The following APTX variants were observed in gnomAD, a reference collection of about 807,000 sequenced individuals.
The protein encoded by APTX is aprataxin.
In APTX, 33 loss-of-function variants were observed where a neutral mutation model predicts 42.3. That is an observed-to-expected ratio of 0.78 (90% CI 0.59 to 1.04). The LOEUF is 1.04. Ranked by LOEUF, APTX falls within the 50% of genes least tolerant of loss-of-function variation. APTX has a pLI of 0.00. For missense variants in APTX, 421 were observed against 415.1 expected, an observed-to-expected ratio of 1.01 and a Z score of -0.12; for synonymous variants, 130 against 146.7, an observed-to-expected ratio of 0.89 and a Z score of 0.82.
chr9:33,018,163 C>T (rs1200232115), intron 1 of APTX, among the ~76,000 whole-genome samples: 12 of 150,006 alleles, frequency 8.0e-5, no homozygotes, highest in African/African-American at 2.7e-4. Flanking sequence ...CAGGCTGGAG[C>T]GCGGTGGCAC....
intron 1 of APTX, among the ~76,000 whole-genome samples, chr9:32,995,332 T>C (rs1436239134): frequency 1.3e-5 from 2 of 152,310 alleles, no homozygotes; most frequent in African/African-American, 4.8e-5. Flanking sequence ...AATATTAACA[T>C]AAACAGGAGT....
At chr9:33,024,372 C>T (rs1838670109) in intron 1 of APTX, among the ~76,000 whole-genome samples, 1 of 152,220 alleles carries the variant, frequency 6.6e-6, no homozygotes, top group Non-Finnish European at 1.5e-5. Context: ...GATAAAGAAG[C>T]GGACCCCAAT....
At chr9:32,991,981 A>T (rs1444845774) in intron 1 of APTX, among the ~76,000 whole-genome samples, 1 of 152,188 alleles carries the variant, frequency 6.6e-6, no homozygotes, top group Non-Finnish European at 1.5e-5. Flanking sequence ...GTGGGTATGA[A>T]GCTCAAGAGA....
At chr9:33,013,291 C>T (rs2119245388) in intron 1 of APTX, among the ~76,000 whole-genome samples, 1 of 152,258 alleles carries the variant, frequency 6.6e-6, no homozygotes, top group East Asian at 1.9e-4. Flanking sequence ...GAAATTGAGG[C>T]ACAGAAAAAA....
Position 32,999,831 on chromosome 9 carries a change from C to T in APTX, c.-5+1736G>A, listed in dbSNP as rs139634863. Reference sequence around the variant, plus strand: ...TCTACTAAAAAATACAAAAAATTAGCCGGGCGTGGTGGTAGACGCCTGTAG... The same window carrying T: ...TCTACTAAAAAATACAAAAAATTAGTCGGGCGTGGTGGTAGACGCCTGTAG... On this transcript the variant is annotated intron_variant, in intron 1 of 7. Transcript: ENST00000379817. Among the ~76,000 whole-genome samples, 5 of 152,270 alleles carry T rather than the reference C, an allele frequency of 3.3e-5. No homozygotes were observed. The East Asian group carries it at 9.7e-4, about 29-fold the overall frequency.
chr9:33,006,209 C>G (rs1339942073), upstream of APTX, among the ~76,000 whole-genome samples: 1 of 151,702 alleles, frequency 6.6e-6, no homozygotes, highest in African/African-American at 2.4e-5. Context: ...TTGCTTGAGG[C>G]CAGGAGTTCA....
At chr9:33,014,725 C>T (rs1333070633) in intron 1 of APTX, among the ~76,000 whole-genome samples, 1 of 152,262 alleles carries the variant, frequency 6.6e-6, no homozygotes, top group Non-Finnish European at 1.5e-5. Flanking sequence ...AAGCCATGAT[C>T]ACCAAGACAG....
At chr9:33,021,958 T>C (rs62542137) in intron 1 of APTX, among the ~76,000 whole-genome samples, 1 of 140,144 alleles carries the variant, frequency 7.1e-6, no homozygotes, top group Non-Finnish European at 1.5e-5. Flanking sequence ...AGGCTGTTAA[T>C]TTAAAAAAAA....
At chr9:33,018,134 G>C (rs1036129785) in intron 1 of APTX, among the ~76,000 whole-genome samples, 2 of 138,940 alleles carry the variant, frequency 1.4e-5, no homozygotes, top group African/African-American at 2.5e-5. Context: ...TTTTTTTTGA[G>C]ACGACTCACT....
Position 32,984,866 on chromosome 9 carries a change from G to A in APTX, c.544-9C>T. The A allele has an allele frequency of 2.5e-6, 4 of 1,608,814 alleles. No individual in the cohort carries two copies. The highest frequency in any genetic ancestry group is 3.4e-6 in the Non-Finnish European group (4 of 1,175,174). On this transcript the variant is annotated splice_polypyrimidine_tract_variant and intron_variant, in intron 5 of 7. Transcript: ENST00000379817. ...TGCTCATCTTTGTAAACCTAGCAGA[G>A]GGATACAAGAGAAGGAAACAGACAT...
upstream of APTX, among the ~76,000 whole-genome samples, chr9:33,002,477 A>G (rs1225797655): frequency 6.6e-6 from 1 of 152,152 alleles, no homozygotes; most frequent in African/African-American, 2.4e-5. Flanking sequence ...ATTCTCCACT[A>G]TCCCCCAGAT....
In APTX at chr9:33,018,882, A is replaced by T. The variant is rs111781699; in HGVS notation, c.-5+6141T>A. On this transcript the variant is annotated intron_variant, in intron 1 of 6. Transcript: ENST00000436040. ...CAACAGTGCGAGACTCCATCTCAAA[A>T]AGAAAGATATGTACTCCTCAAAACT... 3.2e-3 allele frequency among the ~76,000 whole-genome samples: 486 copies of T among 152,318 alleles called. 8 individuals are homozygous for T. The highest frequency in any genetic ancestry group is 0.011 in the African/African-American group (465 of 41,568).
intron 1 of APTX, among the ~76,000 whole-genome samples, chr9:33,000,164 G>A (rs1000540637): frequency 3.9e-5 from 6 of 152,048 alleles, no homozygotes; most frequent in African/African-American, 1.5e-4. Context: ...TCCCTCAAGT[G>A]TCAAGCGGTA....
Position 32,972,732 on chromosome 9 carries a change from C to T in APTX, c.*766G>A, listed in dbSNP as rs1264169594. 6.6e-6 allele frequency: 3 copies of T among 453,996 alleles called. No individual in the cohort carries two copies. The East Asian group carries it at 2.1e-4, about 32-fold the overall frequency. 28.1% of individuals were successfully genotyped at this position (453,996 alleles called of 1,614,324 possible). A position where few individuals can be genotyped will look rare whatever the true frequency, so the allele number is the denominator to read the frequency against. ...TATGCTGTGATTGTTAGCTGAACTT[C>T]AATAGTTTCCACCTACTTAAGAGAG... On this transcript the variant is annotated 3_prime_UTR_variant, in exon 8 of 8. Coordinates refer to ENST00000379817, the MANE Select transcript of APTX (RefSeq NM_001195248.2).
chr9:33,019,337 A>C (rs1838172935), intron 1 of APTX, among the ~76,000 whole-genome samples: 1 of 152,184 alleles, frequency 6.6e-6, no homozygotes, highest in Non-Finnish European at 1.5e-5. Context: ...GGTGCTACTC[A>C]AAAAATAAAT....
At chr9:33,015,762 G>C (rs1284013799) in intron 1 of APTX, 1 of 152,190 alleles carries the variant, frequency 6.6e-6, no homozygotes, top group African/African-American at 2.4e-5. Flanking sequence ...TAATCTTACA[G>C]AGTAGATCTT....
intron 1 of APTX, among the ~76,000 whole-genome samples, chr9:33,015,296 C>T (rs10971321): frequency 0.07 from 10,725 of 152,256 alleles, 507 homozygotes; most frequent in Non-Finnish European, 0.11. Flanking sequence ...CAAATAATAA[C>T]GCCTTATAAA....
chr9:33,019,276 T>TA (rs1005357095), intron 1 of APTX, among the ~76,000 whole-genome samples: 11 of 151,892 alleles, frequency 7.2e-5, no homozygotes, highest in Admixed American at 5.9e-4. Flanking sequence ...AGAGAGTTCA[T>TA]AAAAAAGACT....
chr9:32,982,782 A>G (rs886802518), intron 6 of APTX, among the ~76,000 whole-genome samples: 3 of 152,208 alleles, frequency 2.0e-5, no homozygotes, highest in Admixed American at 6.5e-5. Flanking sequence ...GGGCTCTGTT[A>G]GTCAGGGGCT....
Sources: gnomAD v4.1 joint callset for allele counts (sites outside exome capture counted in the v4.1 genomes callset) on GRCh38, gnomAD v4.1.1 for gene constraint, MANE v1.5 for transcripts, NCBI Gene and HGNC (gene_info 2026-07-23, HGNC 2026-07-21) for gene names.